Variants in BCR observed in about 807,000 individuals in gnomAD.
BCR encodes BCR activator of RhoGEF and GTPase.
BCR carries 58 observed loss-of-function variants against 138.6 expected under a neutral mutation model. The ratio of observed to expected loss-of-function variants is 0.42; its 90% CI spans 0.34 to 0.52. The LOEUF (loss-of-function observed/expected upper bound fraction) is 0.52. Among genes scored for constraint, BCR ranks in the 20% least tolerant of loss-of-function variants. The probability of loss-of-function intolerance (pLI) is 0.06; values close to 1 mark genes in which losing one functional copy is unlikely to be tolerated. For missense variants in BCR, 1,599 were observed against 1,727.2 expected (o/e 0.93, Z 1.32); for synonymous variants, 786 against 730.1 (o/e 1.08, Z -1.23).
intron 15 of BCR, among the ~76,000 whole-genome samples, chr22:23,293,487 C>T (rs2073812570): frequency 6.6e-6 from 1 of 152,118 alleles, no homozygotes; most frequent in African/African-American, 2.4e-5. Flanking sequence ...ACAAGGAGCT[C>T]AGTAAAATAA....
At chr22:23,309,504 C>T in intron 17 of BCR, 21 bp downstream of exon 17, 5 of 1,578,218 alleles carry the variant, frequency 3.2e-6, no homozygotes, top group Non-Finnish European at 4.3e-6. Context: ...GTGGGACTCT[C>T]CTGGTGCCCA....
chr22:23,263,397 AGT>A, intron 4 of BCR: 1 of 1,245,958 alleles, frequency 8.0e-7, no homozygotes, highest in Non-Finnish European at 1.2e-6. Flanking sequence ...CCTGATGACC[AGT>A]GTCCCAGTGA....
intron 1 of BCR, among the ~76,000 whole-genome samples, chr22:23,187,331 T>A (rs2330364): frequency 0.46 from 67,730 of 146,606 alleles, 18,169 homozygotes; most frequent in East Asian, 0.91. Flanking sequence ...AGTTTTCCTG[T>A]TGTGGGCCCA....
At chr22:23,261,195 C>CT in intron 3 of BCR, 141 bp downstream of exon 3, 2 of 1,214,966 alleles carry the variant, frequency 1.6e-6, no homozygotes, top group Non-Finnish European at 2.3e-6. Context: ...CAGTGGAAGA[C>CT]TGAGTTGCCA....
At chr22:23,269,182 C>T (rs2073480378) in intron 5 of BCR, among the ~76,000 whole-genome samples, 1 of 152,220 alleles carries the variant, frequency 6.6e-6, no homozygotes, top group African/African-American at 2.4e-5. Context: ...GGCTGGTGGC[C>T]CAGCCAGAAC....
Position 23,239,714 on chromosome 22 carries a change from G to A in BCR, c.1280-14085G>A, listed in dbSNP as rs186403054. On this transcript the variant is annotated intron_variant, in intron 1 of 22. Coordinates refer to ENST00000305877, the MANE Select transcript of BCR (RefSeq NM_004327.4). Reference sequence around the variant, plus strand: ...ACAGTTCTGACGACTGGAAATATGAGATTGAGATGTTGGCTGGGTTGGATC... The same window carrying A: ...ACAGTTCTGACGACTGGAAATATGAAATTGAGATGTTGGCTGGGTTGGATC... Among the ~76,000 whole-genome samples, 1,431 of 152,346 alleles carry A rather than the reference G, an allele frequency of 9.4e-3. 69 individuals are homozygous for A. Among genetic ancestry groups the A allele is most frequent in the Admixed American group, 0.085 (1,302 of 15,306 alleles).
chr22:23,280,306 G>A (rs1334850089), intron 8 of BCR, among the ~76,000 whole-genome samples: 1 of 152,210 alleles, frequency 6.6e-6, no homozygotes, highest in Non-Finnish European at 1.5e-5. Context: ...GCAAGGAGGT[G>A]CCCCTCCTCA....
chr22:23,245,035 G>C lies in BCR; in HGVS notation c.1280-8764G>C, dbSNP rs373907184. 5.3e-5 allele frequency among the ~76,000 whole-genome samples: 8 copies of C among 152,260 alleles called. No individual in the cohort carries two copies. In the East Asian group the frequency reaches 1.5e-3, roughly 29 times the overall value. ...CCTCTGCCCACACTGAGGCACACTCGGCTTGTGGAGGAAAACGGCTGACTA... is the reference window on the plus strand; with the variant it reads ...CCTCTGCCCACACTGAGGCACACTCCGCTTGTGGAGGAAAACGGCTGACTA... On this transcript the variant is annotated intron_variant, in intron 1 of 22. Transcript: ENST00000305877.
intron 4 of BCR, among the ~76,000 whole-genome samples, chr22:23,265,923 A>G (rs1248372889): frequency 2.6e-5 from 4 of 152,164 alleles, no homozygotes; most frequent in Non-Finnish European, 5.9e-5. Flanking sequence ...GTTCATATAA[A>G]CTTCCCCCAA....
chr22:23,203,707 T>G (rs2072581051), intron 1 of BCR, among the ~76,000 whole-genome samples: 1 of 152,188 alleles, frequency 6.6e-6, no homozygotes, highest in African/African-American at 2.4e-5. Context: ...AAGAACTTAC[T>G]GTCCCCTTGT....
chr22:23,266,715 A>G (rs1464052102), intron 4 of BCR, among the ~76,000 whole-genome samples: 2 of 152,168 alleles, frequency 1.3e-5, no homozygotes, highest in African/African-American at 4.8e-5. Flanking sequence ...GCACAGGCCC[A>G]CTCGGGTTTG....
intron 1 of BCR, among the ~76,000 whole-genome samples, chr22:23,239,416 C>T (rs944563419): frequency 2.0e-5 from 3 of 152,172 alleles, no homozygotes; most frequent in Non-Finnish European, 4.4e-5. Flanking sequence ...CCCAAGAGAG[C>T]ACGGATACAT....
In BCR at chr22:23,280,822, G is replaced by T. The variant is rs560411695; in HGVS notation, c.2116-3155G>T. ...GATGTGGGGGGGCTCCCCAAAGGGA[G>T]TGTTGTCCTGCCAACTGGGGCCTGC... is the stretch of plus-strand genomic sequence containing the variant. On this transcript the variant is annotated intron_variant, in intron 8 of 22. Coordinates refer to ENST00000305877, the MANE Select transcript of BCR (RefSeq NM_004327.4). 1.8e-3 allele frequency among the ~76,000 whole-genome samples: 267 copies of T among 152,352 alleles called. 4 individuals carry two copies. Among genetic ancestry groups the T allele is most frequent in the South Asian group, 6.6e-3 (32 of 4,832 alleles).
intron 1 of BCR, among the ~76,000 whole-genome samples, chr22:23,253,039 CCTT>C (rs1378294172): frequency 6.6e-6 from 1 of 152,170 alleles, no homozygotes; most frequent in Non-Finnish European, 1.5e-5. Context: ...ACAGCCCCCT[CCTT>C]GAGTTTGATC....
intron 1 of BCR, among the ~76,000 whole-genome samples, chr22:23,234,045 T>C (rs2072992855): frequency 6.6e-6 from 1 of 151,864 alleles, no homozygotes; most frequent in African/African-American, 2.4e-5. Context: ...CCAGGCCGAG[T>C]CCTCTGGGGG....
Position 23,191,461 on chromosome 22 carries a change from A to AAC in BCR, c.1279+9223_1279+9224insCA, listed in dbSNP as rs1223592345. 2.9e-5 allele frequency among the ~76,000 whole-genome samples: 4 copies of AAC among 138,110 alleles called. No homozygotes were observed. The Admixed American group carries it at 3.0e-4, about 10-fold the overall frequency. 90.6% of individuals were successfully genotyped at this position (138,110 alleles called of 152,430 possible). ...AGGGCCTTGTCTTTAAAACAACAAC[A>AAC]AACAAACAAAACCTTTCTAATGTCA... On this transcript the variant is annotated intron_variant, in intron 1 of 22. Transcript: ENST00000305877.
chr22:23,192,987 G>A (rs2146202018), intron 1 of BCR, among the ~76,000 whole-genome samples: 1 of 152,232 alleles, frequency 6.6e-6, no homozygotes, highest in South Asian at 2.1e-4. Flanking sequence ...AGAAGAGAGG[G>A]GAGCCTTGTG....
At chr22:23,183,208 T>A (rs1370720129) in intron 1 of BCR, among the ~76,000 whole-genome samples, 1 of 152,182 alleles carries the variant, frequency 6.6e-6, no homozygotes, top group Non-Finnish European at 1.5e-5. Flanking sequence ...CCAGACACAG[T>A]TTGCCATTGG....
chr22:23,265,983 C>T (rs186175891), intron 4 of BCR, among the ~76,000 whole-genome samples: 3 of 152,266 alleles, frequency 2.0e-5, no homozygotes, highest in Admixed American at 6.5e-5. Context: ...ATTCAGGACC[C>T]GGTTTAAGAT....
Sources: allele counts gnomAD v4.1 joint callset (sites outside exome capture counted in the v4.1 genomes callset), GRCh38; gene constraint gnomAD v4.1.1; transcripts MANE v1.5; gene names NCBI Gene and HGNC (gene_info 2026-07-23, HGNC 2026-07-21).